The following MICAL3 variants were observed in gnomAD, a reference collection of about 807,000 sequenced individuals.
MICAL3 encodes the protein microtubule associated monooxygenase, calponin and LIM domain containing 3.
MICAL3 carries 62 observed loss-of-function variants against 207.4 expected under a neutral mutation model. That is an observed-to-expected ratio of 0.30 (90% CI 0.24 to 0.37). The LOEUF (loss-of-function observed/expected upper bound fraction) is 0.37, where lower values mean the gene tolerates loss of function less well. Ranked by LOEUF, MICAL3 falls within the 10% of genes least tolerant of loss-of-function variation. The pLI is 1.00. For missense variants in MICAL3, 2,368 were observed against 2,635.6 expected (o/e 0.90, Z 2.22); for synonymous variants, 1,077 against 1,069.3 (o/e 1.01, Z -0.14).
chr22:17,869,016 G>A (rs1479572941), intron 17 of MICAL3, among the ~76,000 whole-genome samples: 1 of 152,242 alleles, frequency 6.6e-6, no homozygotes, highest in Non-Finnish European at 1.5e-5. Context: ...ACATGGAGAT[G>A]TGAAACACAG....
At chr22:17,950,625 C>T (rs1934300641) in intron 1 of MICAL3, among the ~76,000 whole-genome samples, 1 of 152,232 alleles carries the variant, frequency 6.6e-6, no homozygotes, top group Non-Finnish European at 1.5e-5. Context: ...GCGTGAGCCA[C>T]TGCGCCCGGC....
At chr22:17,865,866 A>G in intron 18 of MICAL3, 58 bp downstream of exon 18, 1 of 1,452,430 alleles carries the variant, frequency 6.9e-7, no homozygotes, top group Admixed American at 1.7e-5. Context: ...CCCGGCCCAT[A>G]GCCACACTGC....
intron 20 of MICAL3, chr22:17,834,611 G>C: frequency 9.0e-7 from 1 of 1,117,106 alleles, no homozygotes; most frequent in South Asian, 2.0e-5. Context: ...CTCAAGGGGA[G>C]GAAAGGTGTA....
intron 1 of MICAL3, among the ~76,000 whole-genome samples, chr22:17,964,986 G>C (rs933582240): frequency 6.6e-5 from 10 of 152,254 alleles, no homozygotes; most frequent in Middle Eastern, 6.8e-3. Flanking sequence ...AAACGCCATC[G>C]CTGAAAGGGC....
intron 1 of MICAL3, among the ~76,000 whole-genome samples, chr22:17,916,100 CAAAAACCA>C (rs1168463069): frequency 8.7e-4 from 97 of 112,116 alleles, no homozygotes; most frequent in African/African-American, 3.0e-3. Context: ...CAACAAAAAA[CAAAAACCA>C]AAAAACGAAA....
Position 17,841,478 on chromosome 22 carries a change from AC to A in MICAL3, c.2801+343del, listed in dbSNP as rs1199602949. 4.2e-6 allele frequency: 2 copies of A among 473,070 alleles called. No individual in the cohort carries two copies. Among genetic ancestry groups the A allele is most frequent in the Non-Finnish European group, 7.5e-6 (2 of 265,232 alleles). 29.3% of individuals were successfully genotyped at this position (473,070 alleles called of 1,614,324 possible). A position where few individuals can be genotyped will look rare whatever the true frequency, so the allele number is the denominator to read the frequency against. ...GGCCCGGTGCACTGGTGGCTGAATC[AC>A]CCAGAGTCCCTCCCCGTGTGCCCGT... is the stretch of plus-strand genomic sequence containing the variant. On this transcript the variant is annotated intron_variant, in intron 20 of 31. Coordinates refer to ENST00000441493, the MANE Select transcript of MICAL3 (RefSeq NM_015241.3). The surrounding 1 kb of genome is among the most constrained non-coding windows in gnomAD (Gnocchi z 4.2).
rs1569078575 is a variant in MICAL3 at position 17,818,657 on chromosome 22, CG to C, written c.4003del (p.Arg1335AlafsTer103). 6.2e-7 allele frequency: 1 copy of C among 1,613,622 alleles called. No homozygotes were observed. Among genetic ancestry groups the C allele is most frequent in the Non-Finnish European group, 8.5e-7 (1 of 1,179,900 alleles). On this transcript the variant is annotated frameshift_variant, in exon 26 of 32. Coordinates refer to ENST00000441493, the MANE Select transcript of MICAL3 (RefSeq NM_015241.3). LOFTEE classifies it high-confidence loss of function. ...CACAGGTGTGAGCCCGAGGCTGCGGCGGATCTCCGCACTCTTCATCCAGAAC... is the reference window on the plus strand; with the variant it reads ...CACAGGTGTGAGCCCGAGGCTGCGGCGATCTCCGCACTCTTCATCCAGAAC... ...EEFWMKSAEI[R>X]RSLGLTPVDR...
chr22:17,834,287 G>A (rs1923123463), intron 20 of MICAL3: 1 of 1,119,370 alleles, frequency 8.9e-7, no homozygotes, highest in Admixed American at 4.7e-5. Flanking sequence ...GTGGACAAAA[G>A]AATATACTGC....
intron 1 of MICAL3, among the ~76,000 whole-genome samples, chr22:17,936,254 G>A (rs1933523024): frequency 6.6e-6 from 1 of 152,170 alleles, no homozygotes; most frequent in Non-Finnish European, 1.5e-5. Context: ...CCATAAAAAG[G>A]ATGAATTCAT....
rs569149853 is a variant in MICAL3 at position 17,935,816 on chromosome 22, C to T, written c.-74-28930G>A. Among the ~76,000 whole-genome samples the T allele has an allele frequency of 3.3e-5, 5 of 152,304 alleles. No individual in the cohort carries two copies. In the South Asian group the frequency reaches 1.0e-3, roughly 32 times the overall value. On this transcript the variant is annotated intron_variant, in intron 1 of 31. Coordinates refer to ENST00000441493, the MANE Select transcript of MICAL3 (RefSeq NM_015241.3). Reference sequence around the variant, plus strand: ...AAAACATCTATGCAGCCAACAGACACATGAAAAAATGCTCATCGTCACTGG... The same window carrying T: ...AAAACATCTATGCAGCCAACAGACATATGAAAAAATGCTCATCGTCACTGG...
Position 17,841,503 on chromosome 22 carries a change from G to A in MICAL3, c.2801+319C>T, listed in dbSNP as rs531226753. The A allele has an allele frequency of 6.8e-5, 35 of 518,258 alleles. No homozygotes were observed. The highest frequency in any genetic ancestry group is 2.7e-4 in the South Asian group (8 of 29,678). 32.1% of individuals were successfully genotyped at this position (518,258 alleles called of 1,614,324 possible). On this transcript the variant is annotated intron_variant, in intron 20 of 31. Coordinates refer to ENST00000441493, the MANE Select transcript of MICAL3 (RefSeq NM_015241.3). The surrounding 1 kb of genome is among the most constrained non-coding windows in gnomAD (Gnocchi z 4.2). The stretch of plus-strand genomic sequence containing the variant: ...ACCCAGAGTCCCTCCCCGTGTGCCC[G>A]TCCTTCCCTCTGCTGAATCTGTGAA...
intron 20 of MICAL3, 47 bp from the exon 21 acceptor site, chr22:17,832,154 CTG>C (rs1357943357): frequency 6.5e-7 from 1 of 1,544,662 alleles, no homozygotes; most frequent in African/African-American, 1.4e-5. Flanking sequence ...TGAAGAAAAA[CTG>C]AGAAGGGGAA....
At chr22:17,805,014 G>A (rs946010522) in intron 29 of MICAL3, among the ~76,000 whole-genome samples, 1 of 152,184 alleles carries the variant, frequency 6.6e-6, no homozygotes, top group African/African-American at 2.4e-5. Flanking sequence ...TTAGACAAAC[G>A]GAGAACGGGA....
At chr22:17,917,128 G>C (rs1174607146) in intron 1 of MICAL3, among the ~76,000 whole-genome samples, 2 of 151,800 alleles carry the variant, frequency 1.3e-5, no homozygotes, top group South Asian at 2.1e-4. Flanking sequence ...TGCCCTGGAG[G>C]ATCCTCCCTC....
chr22:17,916,430 C>T (rs535606373), intron 1 of MICAL3, among the ~76,000 whole-genome samples: 5 of 152,302 alleles, frequency 3.3e-5, no homozygotes, highest in South Asian at 2.1e-4. Context: ...CTCCAACTAA[C>T]TTACTCTGCT....
intron 1 of MICAL3, among the ~76,000 whole-genome samples, chr22:17,916,315 T>C (rs1932514818): frequency 6.6e-6 from 1 of 152,096 alleles, no homozygotes; most frequent in Non-Finnish European, 1.5e-5. Flanking sequence ...TACTCAAGCA[T>C]GCTGCCTCCC....
chr22:17,996,306 T>C (rs9618180), intron 1 of MICAL3, among the ~76,000 whole-genome samples: 37,401 of 151,256 alleles, frequency 0.25, 4,900 homozygotes, highest in Middle Eastern at 0.31. Context: ...TAGCCGGGCA[T>C]GGTGGCAGGT....
intron 1 of MICAL3, among the ~76,000 whole-genome samples, chr22:17,948,784 G>T (rs142479662): frequency 6.6e-6 from 1 of 151,984 alleles, no homozygotes; most frequent in Non-Finnish European, 1.5e-5. Context: ...ATGGTGGCAT[G>T]TGCCTGTAGT....
intron 19 of MICAL3, among the ~76,000 whole-genome samples, chr22:17,859,827 C>G (rs369784523): frequency 6.6e-6 from 1 of 152,142 alleles, no homozygotes; most frequent in Non-Finnish European, 1.5e-5. Context: ...CCCCTCCATC[C>G]GCCCAGCCTG....
Sources: gnomAD v4.1 joint callset for allele counts (sites outside exome capture counted in the v4.1 genomes callset) on GRCh38, gnomAD v4.1.1 for gene constraint, Gnocchi (gnomAD v3.1) non-coding constraint, MANE v1.5 for transcripts, NCBI Gene and HGNC (gene_info 2026-07-23, HGNC 2026-07-21) for gene names.